ADCY5: variants seen among roughly 807,000 people sequenced by gnomAD.
ADCY5 encodes the protein adenylate cyclase 5.
Under a neutral mutation model 119.7 loss-of-function variants are expected in ADCY5, and 30 were observed. That is an observed-to-expected ratio of 0.25 (90% confidence interval 0.19 to 0.34). The LOEUF (loss-of-function observed/expected upper bound fraction) is 0.34. Ranked by LOEUF, ADCY5 falls within the 10% of genes least tolerant of loss-of-function variation. The pLI, the probability that ADCY5 is intolerant of heterozygous loss-of-function variation, is 1.00. For missense variants in ADCY5, 1,324 were observed against 1,775.2 expected (o/e 0.75, Z 4.57); for synonymous variants, 753 against 762.2 (o/e 0.99, Z 0.20).
At chr3:123,329,807 C>T (rs541412096) in intron 5 of ADCY5, among the ~76,000 whole-genome samples, 2 of 152,178 alleles carry the variant, frequency 1.3e-5, no homozygotes. Flanking sequence ...TTCTCTTGTC[C>T]TGAATCAACT....
chr3:123,384,123 C>T (rs1379608841), intron 1 of ADCY5, among the ~76,000 whole-genome samples: 1 of 152,168 alleles, frequency 6.6e-6, no homozygotes, highest in African/African-American at 2.4e-5. Context: ...TAAGAAACTC[C>T]CAAATGTTAT....
intron 1 of ADCY5, among the ~76,000 whole-genome samples, chr3:123,354,112 G>A (rs760692348): frequency 2.0e-5 from 3 of 152,074 alleles, no homozygotes; most frequent in Non-Finnish European, 4.4e-5. Flanking sequence ...GCATCCCATT[G>A]CTGTCATTTT....
At chr3:123,366,708 A>G (rs1943454304) in intron 1 of ADCY5, among the ~76,000 whole-genome samples, 1 of 152,222 alleles carries the variant, frequency 6.6e-6, no homozygotes, top group Non-Finnish European at 1.5e-5. Context: ...ATGAATGAAC[A>G]TCTAGAGGCA....
intron 1 of ADCY5, among the ~76,000 whole-genome samples, chr3:123,358,282 T>C (rs1049810469): frequency 6.6e-6 from 1 of 151,646 alleles, no homozygotes. Flanking sequence ...TACAGCAGAC[T>C]GCAGCCCTGG....
rs1941815549 is a variant in ADCY5, at chr3:123,332,611, C to T, written c.1471G>A (p.Val491Ile). 6.2e-7 allele frequency: 1 copy of T among 1,613,770 alleles called. No homozygotes were observed. Among genetic ancestry groups the T allele is most frequent in the African/African-American group, 1.3e-5 (1 of 74,950 alleles). ...GCGAAGAGCTCGTTGAGGGTCATGACCAGTTCCTGTGCAGTGCACTGGGAC... is the reference window on the plus strand; with the variant it reads ...GCGAAGAGCTCGTTGAGGGTCATGATCAGTTCCTGTGCAGTGCACTGGGAC... ...LASQCTAQEL[V>I]MTLNELFARF... is the part of the protein sequence containing the mutation. Residue 491 changes from valine (V) to isoleucine (I), a missense_variant, in exon 4 of 21, where the codon GTC becomes ATC. Transcript: ENST00000462833.
chr3:123,328,981 CA>C (rs1472319609), intron 5 of ADCY5, among the ~76,000 whole-genome samples, 179 bp from the exon 6 acceptor site: 1 of 152,218 alleles, frequency 6.6e-6, no homozygotes, highest in Non-Finnish European at 1.5e-5. Context: ...GCGGCAGGTG[CA>C]GTCGGCTGTG....
Position 123,332,694 on chromosome 3 carries a change from A to T in ADCY5, c.1407-19T>A, listed in dbSNP as rs779820739. 4 of 1,506,156 alleles carry T rather than the reference A, an allele frequency of 2.7e-6. No individual in the cohort carries two copies. Among genetic ancestry groups the T allele is most frequent in the Non-Finnish European group, 3.7e-6 (4 of 1,083,108 alleles). The allele number at this position is 1,506,156 out of a possible 1,614,324, so 93.3% of individuals were successfully genotyped here. The stretch of plus-strand genomic sequence containing the variant: ...CAGGATGCTGGGGGACAGGCAGAGG[A>T]GGAAGACCCTGCTATAGGCTGAATC... On this transcript the variant is annotated intron_variant, in intron 3 of 20. Coordinates refer to ENST00000462833, the MANE Select transcript of ADCY5 (RefSeq NM_183357.3).
intron 11 of ADCY5, among the ~76,000 whole-genome samples, chr3:123,315,160 GCCT>G (rs1476305223): frequency 2.0e-5 from 3 of 152,346 alleles, no homozygotes; most frequent in Admixed American, 1.3e-4. Context: ...AGGAAGAGTG[GCCT>G]GACGAGGCCA....
chr3:123,418,766 A>G (rs1945238155), intron 1 of ADCY5: 1 of 152,234 alleles, frequency 6.6e-6, no homozygotes, highest in African/African-American at 2.4e-5. Flanking sequence ...CTCAAACCAT[A>G]GCAATCGCCC....
rs79056062 is a variant in ADCY5 at position 123,357,243 on chromosome 3, A to T, written c.1135-4662T>A. ...CTGTATGTAAATTATACCTTAATTT[A>T]AAAAAAAAAAGGGCAGGAGTCATAT... On this transcript the variant is annotated intron_variant, in intron 1 of 20. Coordinates refer to ENST00000462833, the MANE Select transcript of ADCY5 (RefSeq NM_183357.3). Among the ~76,000 whole-genome samples the T allele has an allele frequency of 5.2e-4, 76 of 145,320 alleles. 1 individual carries two copies. In the East Asian group the frequency reaches 0.012, roughly 24 times the overall value.
chr3:123,367,173 G>T (rs1943472029), intron 1 of ADCY5, among the ~76,000 whole-genome samples: 1 of 152,326 alleles, frequency 6.6e-6, no homozygotes, highest in African/African-American at 2.4e-5. Flanking sequence ...CAGAATCTAT[G>T]CCAGGCACCG....
At chr3:123,295,929 A>T (rs1939472247) in intron 17 of ADCY5, among the ~76,000 whole-genome samples, 155 bp downstream of exon 17, 1 of 152,208 alleles carries the variant, frequency 6.6e-6, no homozygotes, top group South Asian at 2.1e-4. Context: ...CCACGGGGAC[A>T]CAGGGCACCA....
chr3:123,330,121 G>C (rs183417536), intron 5 of ADCY5, among the ~76,000 whole-genome samples: 13 of 152,332 alleles, frequency 8.5e-5, no homozygotes, highest in African/African-American at 3.1e-4. Context: ...TGATTGTCTA[G>C]CTCAGGCTTG....
intron 1 of ADCY5, among the ~76,000 whole-genome samples, chr3:123,440,461 ACCC>A (rs146979275): frequency 0.021 from 3,214 of 149,568 alleles, 122 homozygotes; most frequent in African/African-American, 0.073. Flanking sequence ...TTGTCTAACC[ACCC>A]CCCCTTTCTC....
Position 123,448,616 on chromosome 3 carries a change from G to A in ADCY5, c.-71C>T, listed in dbSNP as rs1483992946. 3.2e-6 allele frequency: 4 copies of A among 1,248,186 alleles called. No homozygotes were observed. In the East Asian group the frequency reaches 9.5e-5, roughly 30 times the overall value. The allele number at this position is 1,248,186 out of a possible 1,614,324, so 77.3% of individuals were successfully genotyped here. A position where few individuals can be genotyped will look rare whatever the true frequency, so the allele number is the denominator to read the frequency against. Reference sequence around the variant, plus strand: ...GGCCGGGGGTCTCCAAGGGGAGGGCGGACGGCCGAGCAGGGGGACCAGGCT... The same window carrying A: ...GGCCGGGGGTCTCCAAGGGGAGGGCAGACGGCCGAGCAGGGGGACCAGGCT... On this transcript the variant is annotated 5_prime_UTR_variant, in exon 1 of 21. Transcript: ENST00000462833.
Position 123,448,529 on chromosome 3 carries a change from C to A in ADCY5, c.17G>T (p.Ser6Ile), listed in dbSNP as rs977612868. ...CGCCGCGTAGCCCGGGGGGCTCACG[C>A]TTTTGGAGCCGGACATCCCCCCCTC... MSGSK[S>I]VSPPGYAAQK... The change falls in exon 1 of 21, where the codon AGC becomes ATC. Residue 6 changes from serine (S) to isoleucine (I), a missense_variant. Physicochemically the swap from Ser to Ile is moderately radical, Grantham distance 142. Coordinates refer to ENST00000462833, the MANE Select transcript of ADCY5 (RefSeq NM_183357.3). The A allele has an allele frequency of 1.2e-5, 15 of 1,265,706 alleles. No individual in the cohort carries two copies. In the Admixed American group the frequency reaches 5.5e-4, roughly 46 times the overall value. The allele number at this position is 1,265,706 out of a possible 1,614,324, so 78.4% of individuals were successfully genotyped here. A position where few individuals can be genotyped will look rare whatever the true frequency, so the allele number is the denominator to read the frequency against.
Position 123,439,962 on chromosome 3 carries a change from C to T in ADCY5, c.1134+7450G>A, listed in dbSNP as rs140279480. 2.1e-4 allele frequency among the ~76,000 whole-genome samples: 32 copies of T among 152,332 alleles called. No individual in the cohort carries two copies. The East Asian group carries it at 6.2e-3, about 29-fold the overall frequency. On this transcript the variant is annotated intron_variant, in intron 1 of 20. Coordinates refer to ENST00000462833, the MANE Select transcript of ADCY5 (RefSeq NM_183357.3). Reference sequence around the variant, plus strand: ...AGAAGGCACACATTTTAAATTGCAGCAGGAGGGATTTTGGAAGCCCTGCTC... The same window carrying T: ...AGAAGGCACACATTTTAAATTGCAGTAGGAGGGATTTTGGAAGCCCTGCTC...
At chr3:123,299,810 G>A (rs1224627552) in intron 15 of ADCY5, among the ~76,000 whole-genome samples, 1 of 152,226 alleles carries the variant, frequency 6.6e-6, no homozygotes, top group Non-Finnish European at 1.5e-5. Context: ...CGGCTCTGCT[G>A]GACCGTGACT....
intron 3 of ADCY5, among the ~76,000 whole-genome samples, chr3:123,344,845 A>G (rs940903807): frequency 6.6e-6 from 1 of 152,108 alleles, no homozygotes; most frequent in African/African-American, 2.4e-5. Context: ...ACATTTGCAT[A>G]TGATTGCTTG....
Sources: allele counts gnomAD v4.1 joint callset (sites outside exome capture counted in the v4.1 genomes callset), GRCh38; gene constraint gnomAD v4.1.1; transcripts MANE v1.5; gene names NCBI Gene and HGNC (gene_info 2026-07-23, HGNC 2026-07-21).